CTNNA2: variants seen among roughly 807,000 people sequenced by gnomAD.
CTNNA2 encodes catenin alpha-2.
CTNNA2 carries 42 observed loss-of-function variants against 101.0 expected under a neutral mutation model. The ratio of observed to expected loss-of-function variants is 0.42; its 90% confidence interval spans 0.32 to 0.54. The LOEUF is 0.54. CTNNA2 is among the 20% of genes least tolerant of loss of function. CTNNA2 has a pLI of 0.14. For missense variants in CTNNA2, 871 were observed against 1,223.1 expected, an observed-to-expected ratio of 0.71 and a Z score of 4.29; for synonymous variants, 450 against 456.4, an observed-to-expected ratio of 0.99 and a Z score of 0.18.
At chr2:79,886,886 G>T (rs1249637242) in intron 6 of CTNNA2, among the ~76,000 whole-genome samples, 1 of 151,480 alleles carries the variant, frequency 6.6e-6, no homozygotes, top group Non-Finnish European at 1.5e-5. Context: ...GAGTGCAGTG[G>T]CATGATCTCA....
chr2:79,687,476 A>C, intron 2 of CTNNA2: 1 of 522,604 alleles, frequency 1.9e-6, no homozygotes. Flanking sequence ...GATAATTTTG[A>C]TTAGCTTTCA....
intron 3 of CTNNA2, among the ~76,000 whole-genome samples, chr2:79,762,579 A>G (rs1211401025): frequency 1.3e-5 from 2 of 152,182 alleles, no homozygotes; most frequent in East Asian, 3.8e-4. Context: ...AAAATAAGTA[A>G]TAGAAAAAAA....
At chr2:79,848,148 G>A (rs1274486136) in intron 3 of CTNNA2, among the ~76,000 whole-genome samples, 1 of 152,026 alleles carries the variant, frequency 6.6e-6, no homozygotes, top group Non-Finnish European at 1.5e-5. Context: ...TAATTTATTG[G>A]CTGCTTATAT....
intron 7 of CTNNA2, among the ~76,000 whole-genome samples, chr2:80,112,226 A>G (rs950101594): frequency 5.9e-5 from 9 of 152,252 alleles, no homozygotes; most frequent in Admixed American, 2.6e-4. Context: ...TTACATTTTT[A>G]AATGGCTAAC....
intron 7 of CTNNA2, among the ~76,000 whole-genome samples, chr2:80,003,652 G>T (rs1361705218): frequency 6.6e-6 from 1 of 152,132 alleles, no homozygotes; most frequent in Non-Finnish European, 1.5e-5. Context: ...CACATTTAAT[G>T]AACTCTGCAA....
chr2:79,791,093 G>T (rs940393247), intron 3 of CTNNA2, among the ~76,000 whole-genome samples: 1 of 152,140 alleles, frequency 6.6e-6, no homozygotes, highest in Admixed American at 6.5e-5. Context: ...ATTGGGCACA[G>T]ATATAAAATT....
chr2:80,095,335 GCATCC>G (rs1448487007), intron 7 of CTNNA2, among the ~76,000 whole-genome samples: 1 of 152,204 alleles, frequency 6.6e-6, no homozygotes, highest in Non-Finnish European at 1.5e-5. Context: ...AACCAGCCTT[GCATCC>G]CAGGGATGAA....
intron 1 of CTNNA2, among the ~76,000 whole-genome samples, chr2:79,516,808 T>G (rs1056780756): frequency 6.6e-6 from 1 of 152,186 alleles, no homozygotes. Context: ...CAATAAAGAT[T>G]TAATATTATG....
At chr2:79,993,734 A>T (rs1692344065) in intron 7 of CTNNA2, among the ~76,000 whole-genome samples, 1 of 152,142 alleles carries the variant, frequency 6.6e-6, no homozygotes, top group African/African-American at 2.4e-5. Flanking sequence ...AGAAATGCTC[A>T]GGAATTGGGG....
At chr2:80,568,562 TGTGC>T (rs1465215186) in intron 12 of CTNNA2, among the ~76,000 whole-genome samples, 1 of 87,212 alleles carries the variant, frequency 1.1e-5, no homozygotes, top group Non-Finnish European at 2.3e-5. Context: ...GCTATAATGG[TGTGC>T]GTGTGTGTGT....
rs141485413 is a variant in CTNNA2 at position 80,535,893 on chromosome 2, C to T, written c.1291-9089C>T. 2.1e-3 allele frequency among the ~76,000 whole-genome samples: 315 copies of T among 152,302 alleles called. 1 individual carries two copies. The highest frequency in any genetic ancestry group is 3.1e-3 in the Non-Finnish European group (213 of 68,024). On this transcript the variant is annotated intron_variant, in intron 9 of 18. Coordinates refer to ENST00000402739, the MANE Select transcript of CTNNA2 (RefSeq NM_001282597.3). ...ATACCTCAGCAGGAAAGCGAGACAA[C>T]TCCTACAATATTCTTCTGGGCAGCC...
chr2:79,812,736 G>A (rs1677149718), intron 3 of CTNNA2, among the ~76,000 whole-genome samples: 1 of 152,076 alleles, frequency 6.6e-6, no homozygotes, highest in Non-Finnish European at 1.5e-5. Context: ...TTGTCACCCA[G>A]ATTTCTCCTG....
intron 1 of CTNNA2, among the ~76,000 whole-genome samples, chr2:79,598,668 G>C (rs1386164687): frequency 1.3e-5 from 2 of 152,088 alleles, no homozygotes; most frequent in Non-Finnish European, 2.9e-5. Context: ...CCATTTTCTT[G>C]TTGAGTTTTA....
intron 2 of CTNNA2, among the ~76,000 whole-genome samples, chr2:79,684,771 G>A (rs945956929): frequency 3.9e-5 from 6 of 152,194 alleles, no homozygotes; most frequent in African/African-American, 1.4e-4. Context: ...GCCATGAAAT[G>A]ACTATACACA....
intron 7 of CTNNA2, among the ~76,000 whole-genome samples, chr2:80,066,395 C>T (rs963524412): frequency 1.3e-5 from 2 of 151,158 alleles, no homozygotes; most frequent in South Asian, 4.2e-4. Flanking sequence ...ATCAATAGCA[C>T]AAAAACAAAT....
chr2:80,578,403 A>G (rs953172768), intron 13 of CTNNA2, among the ~76,000 whole-genome samples: 1 of 152,158 alleles, frequency 6.6e-6, no homozygotes, highest in South Asian at 2.1e-4. Context: ...TAATGATAGA[A>G]GCGTAATCTT....
intron 12 of CTNNA2, among the ~76,000 whole-genome samples, chr2:80,559,751 A>C (rs982389896): frequency 1.3e-5 from 2 of 152,108 alleles, no homozygotes; most frequent in Non-Finnish European, 2.9e-5. Flanking sequence ...CTGAATTATA[A>C]CAAATTGCCA....
At chr2:79,215,646 T>C (rs1572982998) in intron 2 of CTNNA2, among the ~76,000 whole-genome samples, 1 of 152,064 alleles carries the variant, frequency 6.6e-6, no homozygotes, top group African/African-American at 2.4e-5. Flanking sequence ...GGGCTGGGTT[T>C]TTATATTTGA....
intron 9 of CTNNA2, among the ~76,000 whole-genome samples, chr2:80,542,225 A>G (rs1242979371): frequency 2.0e-5 from 3 of 147,842 alleles, no homozygotes; most frequent in East Asian, 3.9e-4. Flanking sequence ...ATGTAGTCTT[A>G]TTTACTTATT....
Sources: allele counts gnomAD v4.1 joint callset (sites outside exome capture counted in the v4.1 genomes callset), GRCh38; gene constraint gnomAD v4.1.1; transcripts MANE v1.5; gene names NCBI Gene and HGNC (gene_info 2026-07-23, HGNC 2026-07-21).